Variants in ZNF687 observed in about 807,000 individuals in gnomAD.
ZNF687 encodes zinc finger protein 687.
In ZNF687, 13 loss-of-function variants were observed where a neutral mutation model predicts 71.8. That is an observed-to-expected ratio of 0.18 (90% CI 0.12 to 0.29). ZNF687 has a LOEUF of 0.29. Ranked by LOEUF, ZNF687 falls within the 10% of genes least tolerant of loss-of-function variation. The probability of loss-of-function intolerance (pLI) is 1.00; values close to 1 mark genes in which losing one functional copy is unlikely to be tolerated. For synonymous variants in ZNF687, 673 were observed against 641.6 expected (o/e 1.05, Z -0.74); for missense variants, 1,412 against 1,625.6 (o/e 0.87, Z 2.26).
rs765567857 is a variant in ZNF687 at position 151,287,000 on chromosome 1, C to A, written c.709C>A (p.Gln237Lys). 2 of 1,601,854 alleles carry A rather than the reference C, an allele frequency of 1.2e-6. No homozygotes were observed. The highest frequency in any genetic ancestry group is 1.7e-6 in the Non-Finnish European group (2 of 1,172,394). ...SPHHPQVLAQ[Q>K]GSGSSPKATD... The stretch of plus-strand genomic sequence containing the variant: ...CCATCATCCCCAGGTCCTAGCCCAA[C>A]AAGGCTCAGGCTCCAGCCCTAAGGC... Residue 237 changes from glutamine to lysine, a missense_variant, in exon 2 of 9, where the codon CAA (glutamine) becomes AAA (lysine). Gln to Lys is a moderately conservative substitution (Grantham distance 53). Transcript: ENST00000336715.
At chr1:151,286,081 A>G in intron 1 of ZNF687, 194 bp from the exon 2 acceptor site, 1 of 436,306 alleles carries the variant, frequency 2.3e-6, no homozygotes, top group East Asian at 3.5e-5. Flanking sequence ...CAAGGTATGG[A>G]CACTAATCCT....
upstream of ZNF687, chr1:151,282,065 A>G: frequency 7.8e-7 from 1 of 1,285,704 alleles, no homozygotes; most frequent in Non-Finnish European, 1.0e-6. Flanking sequence ...ACCCCGGCGC[A>G]GCCAATGGGG....
At position 151,287,101 on chromosome 1, in the gene ZNF687, G is replaced by C; in HGVS notation, c.810G>C (p.Gln270His). Residue 270 changes from glutamine (Q) to histidine (H), a missense_variant, in exon 2 of 9, where the codon CAG becomes CAC. Around this residue, in one of 8 missense-constraint regions of ZNF687, gnomAD observed 490 missense variants for 489.9 expected, o/e 1.00. Coordinates refer to ENST00000336715, the MANE Select transcript of ZNF687 (RefSeq NM_020832.3). This position sits in a 1 kb window ranked among gnomAD's most constrained non-coding sequence, Gnocchi z 5.0. Reference sequence around the variant, plus strand: ...TCTTCAAGCAGTCTCCAGGGCACCAGAGCCCTCTTGCCTCCCCCAAAGTGC... The same window carrying C: ...TCTTCAAGCAGTCTCCAGGGCACCACAGCCCTCTTGCCTCCCCCAAAGTGC... Reference protein sequence around the residue: ...VPFFKQSPGHQSPLASPKVPV... With the variant: ...VPFFKQSPGHHSPLASPKVPV... 6.2e-7 allele frequency: 1 copy of C among 1,613,960 alleles called. No individual in the cohort carries two copies. Among genetic ancestry groups the C allele is most frequent in the Middle Eastern group, 1.7e-4 (1 of 6,060 alleles).
Position 151,286,568 on chromosome 1 carries a change from G to A in ZNF687, c.277G>A (p.Glu93Lys), listed in dbSNP as rs201463227. 1.2e-6 allele frequency: 2 copies of A among 1,614,196 alleles called. No homozygotes were observed. The highest frequency in any genetic ancestry group is 1.7e-6 in the Non-Finnish European group (2 of 1,180,034). The change falls in exon 2 of 9, where the codon GAG (glutamate) becomes AAG (lysine). Residue 93 changes from glutamate to lysine, a missense_variant. Physicochemically the swap from Glu to Lys is moderately conservative, Grantham distance 56. Transcript: ENST00000336715. The part of the protein sequence containing the change: ...SVIVKNTVCP[E>K]QSEALAGGSA... ...CATTGTCAAGAACACTGTGTGTCCCGAGCAGTCTGAGGCCCTGGCTGGAGG... is the reference window on the plus strand; with the variant it reads ...CATTGTCAAGAACACTGTGTGTCCCAAGCAGTCTGAGGCCCTGGCTGGAGG...
At chr1:151,288,808 C>G (rs1046032240) in intron 3 of ZNF687, 102 bp downstream of exon 3, 6 of 1,365,078 alleles carry the variant, frequency 4.4e-6, no homozygotes, top group Non-Finnish European at 6.0e-6. Flanking sequence ...CTATATCCCT[C>G]AGCCCTGTTG....
At position 151,288,649 on chromosome 1, in the gene ZNF687, A is replaced by AT. The variant is rs1557772185; in HGVS notation, c.2241dup (p.Gln748SerfsTer112). On this transcript the variant is annotated frameshift_variant, in exon 3 of 9. Coordinates refer to ENST00000336715, the MANE Select transcript of ZNF687 (RefSeq NM_020832.3). LOFTEE classifies it high-confidence loss of function. ...TGTGGGGGCAACTTCCTGCAAGCCA[A>AT]TTTTCAGACCCATCTCCGGGAGGCC... 6.2e-7 allele frequency: 1 copy of AT among 1,613,940 alleles called. No homozygotes were observed. The highest frequency in any genetic ancestry group is 1.7e-5 in the Admixed American group (1 of 60,004).
chr1:151,284,735 A>T (rs1280593875), intron 1 of ZNF687, among the ~76,000 whole-genome samples: 3 of 150,198 alleles, frequency 2.0e-5, no homozygotes, highest in Non-Finnish European at 4.4e-5. Flanking sequence ...TTACATTAGC[A>T]ATTTTGTATT....
upstream of ZNF687, chr1:151,282,159 G>C (rs897886778): frequency 1.0e-5 from 12 of 1,169,416 alleles, no homozygotes; most frequent in Middle Eastern, 4.9e-4. Flanking sequence ...GCAGTATTTA[G>C]GGCCAACCCA....
At chr1:151,282,650 C>T (rs1693765297) in intron 1 of ZNF687, among the ~76,000 whole-genome samples, 2 of 152,224 alleles carry the variant, frequency 1.3e-5, no homozygotes, top group Non-Finnish European at 2.9e-5. Flanking sequence ...GCGCCCCCGG[C>T]TCGAGAGGCA....
At chr1:151,285,066 CA>C (rs1483489488) in intron 1 of ZNF687, 1 of 152,082 alleles carries the variant, frequency 6.6e-6, no homozygotes, top group Admixed American at 6.5e-5. Context: ...TGAGCCACCA[CA>C]CCCGGCCATT....
chr1:151,288,963 TC>T, intron 3 of ZNF687, 131 bp from the exon 4 acceptor site: 1 of 1,088,210 alleles, frequency 9.2e-7, no homozygotes, highest in Non-Finnish European at 1.3e-6. Flanking sequence ...CTCTCCTTTC[TC>T]CACCCTGCTC....
In ZNF687 at chr1:151,289,925, G is replaced by A; in HGVS notation, c.2882G>A (p.Gly961Glu). 2 of 1,560,938 alleles carry A rather than the reference G, an allele frequency of 1.3e-6. No individual in the cohort carries two copies. The highest frequency in any genetic ancestry group is 2.3e-5 in the South Asian group (2 of 86,626). ...CTCAAGGGTGGGGGTGGGGGGCCTG[G>A]AGGCTGGACCTGTGGCCTGTGTCAC... ...KGLKGGGGGPGGWTCGLCHSW... is the reference protein window; with the variant it reads ...KGLKGGGGGPEGWTCGLCHSW... The change falls in exon 6 of 9, where the codon GGA becomes GAA. Residue 961 changes from glycine (G) to glutamate (E), a missense_variant. By Grantham distance (98) the Gly-to-Glu change is moderately conservative. Around this residue, in one of 8 missense-constraint regions of ZNF687, gnomAD observed 135 missense variants for 104.1 expected, o/e 1.30. Transcript: ENST00000336715.
chr1:151,281,617 G>A (rs1693715088), upstream of ZNF687: 1 of 471,024 alleles, frequency 2.1e-6, no homozygotes, highest in Non-Finnish European at 4.4e-6. Context: ...AGGAGCGACG[G>A]GTTACGCTGT....
Position 151,289,157 on chromosome 1 carries a change from C to T in ZNF687, c.2357C>T (p.Ser786Leu), listed in dbSNP as rs587601138. The T allele has an allele frequency of 8.1e-6, 13 of 1,614,208 alleles. No homozygotes were observed. The East Asian group carries it at 8.9e-5, about 11-fold the overall frequency. ...VNSIKSHIQT[S>L]HCEVFHKCPI... ...TCCATCAAGTCCCACATCCAGACGT[C>T]GCACTGCGAGGTTTTCCACAAGTGC... The change falls in exon 4 of 9, where the codon TCG (serine) becomes TTG (leucine). Residue 786 changes from serine (S) to leucine (L), a missense_variant. Ser to Leu is a moderately radical substitution (Grantham distance 145, BLOSUM62 -2). Around this residue, in one of 8 missense-constraint regions of ZNF687, gnomAD observed 106 missense variants for 146.0 expected, o/e 0.73. Coordinates refer to ENST00000336715, the MANE Select transcript of ZNF687 (RefSeq NM_020832.3).
rs769332827 is a variant in ZNF687, at chr1:151,287,172, T to C, written c.881T>C (p.Val294Ala). 2 of 1,614,120 alleles carry C rather than the reference T, an allele frequency of 1.2e-6. No individual in the cohort carries two copies. The highest frequency in any genetic ancestry group is 3.3e-5 in the Admixed American group (2 of 60,014). Residue 294 changes from valine to alanine, a missense_variant, in exon 2 of 9, where the codon GTG becomes GCG. Physicochemically the swap from Val to Ala is moderately conservative, Grantham distance 64 (BLOSUM62 0). This residue lies in a region of ZNF687 where 490 missense variants were observed against 489.9 expected (regional missense o/e 1.00). Coordinates refer to ENST00000336715, the MANE Select transcript of ZNF687 (RefSeq NM_020832.3). The surrounding 1 kb of genome is among the most constrained non-coding windows in gnomAD (Gnocchi z 5.0). ...LKEEDDDEGP[V>A]DKSSPGSPQS... ...GAAGAAGATGATGATGAGGGGCCAG[T>C]GGACAAGTCTTCCCCAGGAAGTCCC... is the stretch of plus-strand genomic sequence containing the variant.
rs771542279 is a variant in ZNF687 at position 151,288,070 on chromosome 1, G to C, written c.1779G>C (p.Gln593His). 6.2e-7 allele frequency: 1 copy of C among 1,614,050 alleles called. No individual in the cohort carries two copies. Among genetic ancestry groups the C allele is most frequent in the Non-Finnish European group, 8.5e-7 (1 of 1,180,042 alleles). The change falls in exon 2 of 9, where the codon CAG becomes CAC. Residue 593 changes from glutamine to histidine, a missense_variant. Coordinates refer to ENST00000336715, the MANE Select transcript of ZNF687 (RefSeq NM_020832.3). The part of the protein sequence containing the change: ...REHKDKGLVM[Q>H]CSHLVMRPVA... ...ACAAGGACAAGGGGCTCGTCATGCA[G>C]TGCTCACATTTGGTCATGAGGCCTG...
In ZNF687 at chr1:151,287,370, C is replaced by T. The variant is rs199952503; in HGVS notation, c.1079C>T (p.Ala360Val). ...PSDPDPPAPL[A>V]EGAFLAEASL... is the part of the protein sequence containing the mutation. ...GATCCTGATCCACCTGCCCCCTTGG[C>T]TGAGGGGGCCTTCTTGGCTGAGGCT... Residue 360 changes from alanine to valine, a missense_variant, in exon 2 of 9, where the codon GCT becomes GTT. Ala to Val is a moderately conservative substitution (Grantham distance 64, BLOSUM62 0). Coordinates refer to ENST00000336715, the MANE Select transcript of ZNF687 (RefSeq NM_020832.3). This position sits in a 1 kb window ranked among gnomAD's most constrained non-coding sequence, Gnocchi z 5.0. The T allele has an allele frequency of 2.6e-5, 42 of 1,614,078 alleles. No individual in the cohort carries two copies. The highest frequency in any genetic ancestry group is 8.8e-5 in the South Asian group (8 of 91,090).
intron 1 of ZNF687, chr1:151,282,967 C>G (rs1320040820): frequency 3.5e-6 from 1 of 285,224 alleles, no homozygotes; most frequent in South Asian, 1.3e-4. Context: ...AGCTGAGAGT[C>G]GCGCAGAGAC....
chr1:151,290,985 G>A lies in ZNF687; in HGVS notation c.3490G>A (p.Val1164Met), dbSNP rs1694217619. 1 of 1,613,998 alleles carries A rather than the reference G, an allele frequency of 6.2e-7. No homozygotes were observed. Among genetic ancestry groups the A allele is most frequent in the Non-Finnish European group, 8.5e-7 (1 of 1,180,024 alleles). Residue 1164 changes from valine (V) to methionine (M), a missense_variant, in exon 9 of 9, where the codon GTG becomes ATG. Transcript: ENST00000336715. ...CATCAGCCACAAGAAGAGACGGGGT[G>A]TGGGTAAAGCCAGTGCCCTGGGGCT... ...RFISHKKRRG[V>M]GKASALGLGD...
Sources: gnomAD v4.1 joint callset for allele counts (sites outside exome capture counted in the v4.1 genomes callset) on GRCh38, gnomAD v4.1.1 for gene constraint, gnomAD v4.1.1 regional missense constraint, Gnocchi (gnomAD v3.1) non-coding constraint, MANE v1.5 for transcripts, NCBI Gene and HGNC (gene_info 2026-07-23, HGNC 2026-07-21) for gene names.